Variants in EFCAB6 observed in about 807,000 individuals in gnomAD.
EFCAB6 encodes the protein EF-hand calcium binding domain 6, also known as EF-hand calcium-binding domain-containing protein 6.
In EFCAB6, 156 loss-of-function variants were observed where a neutral mutation model predicts 169.8. The ratio of observed to expected loss-of-function variants is 0.92; its 90% CI spans 0.81 to 1.05. EFCAB6 has a LOEUF of 1.05. Ranked by LOEUF, EFCAB6 falls within the 50% of genes least tolerant of loss-of-function variation. The pLI is 0.00. For synonymous variants in EFCAB6, 698 were observed against 676.4 expected (o/e 1.03, Z -0.50); for missense variants, 1,800 against 1,829.1 (o/e 0.98, Z 0.29).
intron 26 of EFCAB6, among the ~76,000 whole-genome samples, chr22:43,562,465 G>C (rs2072670021): frequency 6.7e-6 from 1 of 149,850 alleles, no homozygotes. Context: ...CATGACATAG[G>C]AATCACCCAA....
Position 43,667,374 on chromosome 22 carries a change from G to A in EFCAB6, c.1815-102C>T, listed in dbSNP as rs567939573. On this transcript the variant is annotated intron_variant, in intron 16 of 31. Coordinates refer to ENST00000262726, the MANE Select transcript of EFCAB6 (RefSeq NM_022785.4). The stretch of plus-strand genomic sequence containing the variant: ...CCATGTAACCCATGACAGTAAGAAG[G>A]TTTCCCATCCTCGGTTCACTAGCTG... 2.8e-6 allele frequency: 4 copies of A among 1,411,586 alleles called. No homozygotes were observed. The African/African-American group carries it at 4.3e-5, about 15-fold the overall frequency. The allele number at this position is 1,411,586 out of a possible 1,614,324, so 87.4% of individuals were successfully genotyped here.
At chr22:43,621,846 A>C (rs2054135825) in intron 20 of EFCAB6, among the ~76,000 whole-genome samples, 1 of 152,214 alleles carries the variant, frequency 6.6e-6, no homozygotes, top group Non-Finnish European at 1.5e-5. Flanking sequence ...TGATAAATGA[A>C]ATAAGGAATC....
At chr22:43,704,542 CAG>C (rs1167306551) in intron 10 of EFCAB6, among the ~76,000 whole-genome samples, 2 of 152,028 alleles carry the variant, frequency 1.3e-5, no homozygotes, top group African/African-American at 2.4e-5. Flanking sequence ...ATTTAAAAGA[CAG>C]AACTATTAAT....
intron 2 of EFCAB6, among the ~76,000 whole-genome samples, chr22:43,798,988 T>C (rs1023718586): frequency 1.3e-5 from 2 of 152,146 alleles, no homozygotes; most frequent in Non-Finnish European, 2.9e-5. Flanking sequence ...AGGATTTACC[T>C]TTCTACAGCA....
chr22:43,622,692 T>C (rs1445347524), intron 20 of EFCAB6, among the ~76,000 whole-genome samples: 3 of 152,206 alleles, frequency 2.0e-5, no homozygotes, highest in Non-Finnish European at 4.4e-5. Context: ...AATAATATAT[T>C]ATCCTAAACA....
At chr22:43,737,984 G>GCA (rs372030220) in intron 6 of EFCAB6, among the ~76,000 whole-genome samples, 1 of 137,968 alleles carries the variant, frequency 7.2e-6, no homozygotes, top group Non-Finnish European at 1.6e-5. Context: ...ACATATATTC[G>GCA]CACATATATT....
intron 10 of EFCAB6, among the ~76,000 whole-genome samples, chr22:43,697,232 C>G (rs572422173): frequency 6.6e-6 from 1 of 152,156 alleles, no homozygotes; most frequent in Non-Finnish European, 1.5e-5. Flanking sequence ...CTAACGTAAA[C>G]CTTAAAAATC....
chr22:43,580,420 A>C, intron 25 of EFCAB6, 44 bp downstream of exon 25: 1 of 1,598,930 alleles, frequency 6.3e-7, no homozygotes, highest in Non-Finnish European at 8.5e-7. Context: ...GTTTTCATGA[A>C]TCAAGATGAG....
chr22:43,534,153 G>C (rs1191588910), intron 30 of EFCAB6, among the ~76,000 whole-genome samples: 1 of 152,190 alleles, frequency 6.6e-6, no homozygotes, highest in Non-Finnish European at 1.5e-5. Flanking sequence ...TCAAGGGAGG[G>C]ACCTGGTGGG....
chr22:43,556,072 A>T (rs1311697809), intron 26 of EFCAB6, among the ~76,000 whole-genome samples: 3 of 152,202 alleles, frequency 2.0e-5, no homozygotes, highest in Admixed American at 6.5e-5. Flanking sequence ...TGACAATTGC[A>T]AGGGGCCTTA....
At chr22:43,606,798 T>C (rs565434161) in intron 22 of EFCAB6, among the ~76,000 whole-genome samples, 160 of 152,358 alleles carry the variant, frequency 1.1e-3, no homozygotes, top group Non-Finnish European at 1.7e-3. Context: ...AAAGAAACTT[T>C]AGCCACAAGC....
chr22:43,698,805 T>C (rs78939252), intron 10 of EFCAB6, among the ~76,000 whole-genome samples: 2 of 152,114 alleles, frequency 1.3e-5, no homozygotes, highest in South Asian at 2.1e-4. Context: ...AAGGGAGACA[T>C]AGAATGGGAA....
chr22:43,653,000 A>G (rs561278291), intron 17 of EFCAB6, among the ~76,000 whole-genome samples: 1 of 152,286 alleles, frequency 6.6e-6, no homozygotes, highest in East Asian at 1.9e-4. Context: ...AATGCAGAAC[A>G]TGGGATTAGC....
At chr22:43,582,755 C>A (rs575181417) in intron 24 of EFCAB6, among the ~76,000 whole-genome samples, 2 of 152,134 alleles carry the variant, frequency 1.3e-5, no homozygotes, top group East Asian at 1.9e-4. Flanking sequence ...GGGAAAAAAA[C>A]TCAAGAGAGG....
At chr22:43,665,360 C>T (rs538496101) in intron 17 of EFCAB6, among the ~76,000 whole-genome samples, 2 of 152,304 alleles carry the variant, frequency 1.3e-5, no homozygotes, top group Non-Finnish European at 2.9e-5. Context: ...CTCTTGGACT[C>T]AGATCACAGG....
At chr22:43,740,607 A>G (rs1245087530) in intron 6 of EFCAB6, among the ~76,000 whole-genome samples, 1 of 152,154 alleles carries the variant, frequency 6.6e-6, no homozygotes, top group Non-Finnish European at 1.5e-5. Context: ...GCTTAACTCC[A>G]TACCAGCCTC....
Position 43,626,425 on chromosome 22 carries a change from C to G in EFCAB6, c.2465+22G>C, listed in dbSNP as rs571964771. The G allele has an allele frequency of 4.0e-5, 64 of 1,610,120 alleles. No homozygotes were observed. In the South Asian group the frequency reaches 6.8e-4, roughly 17 times the overall value. On this transcript the variant is annotated intron_variant, in intron 20 of 31. Coordinates refer to ENST00000262726, the MANE Select transcript of EFCAB6 (RefSeq NM_022785.4). ...CACGGGCCGGCATATATTAAAGACA[C>G]AGACCCGTGCTGCCTTCTTACCTAA...
chr22:43,694,059 G>A (rs1185436623), intron 10 of EFCAB6, among the ~76,000 whole-genome samples: 1 of 151,914 alleles, frequency 6.6e-6, no homozygotes, highest in Non-Finnish European at 1.5e-5. Flanking sequence ...ACAGAGAAAA[G>A]AGTGAGTGAC....
intron 2 of EFCAB6, among the ~76,000 whole-genome samples, chr22:43,796,148 C>T (rs141890948): frequency 3.4e-4 from 51 of 152,234 alleles, no homozygotes; most frequent in African/African-American, 1.2e-3. Context: ...GAAGTTTCCA[C>T]GCCATCCACA....
Sources: gnomAD v4.1 joint callset for allele counts (sites outside exome capture counted in the v4.1 genomes callset) on GRCh38, gnomAD v4.1.1 for gene constraint, MANE v1.5 for transcripts, NCBI Gene and HGNC (gene_info 2026-07-23, HGNC 2026-07-21) for gene names.